VAC14: variants seen among roughly 807,000 people sequenced by gnomAD.
The protein encoded by VAC14 is VAC14 component of PIKFYVE complex.
Under a neutral mutation model 85.3 loss-of-function variants are expected in VAC14, and 47 were observed. That is an observed-to-expected ratio of 0.55 (90% confidence interval 0.44 to 0.70). The LOEUF (loss-of-function observed/expected upper bound fraction) is 0.70, where lower values mean the gene tolerates loss of function less well. Among genes scored for constraint, VAC14 ranks in the 30% least tolerant of loss-of-function variants. The probability of loss-of-function intolerance (pLI) is 0.00; values close to 1 mark genes in which losing one functional copy is unlikely to be tolerated. For missense variants in VAC14, 861 were observed against 1,004.3 expected (o/e 0.86, Z 1.93); for synonymous variants, 447 against 430.5 (o/e 1.04, Z -0.47).
chr16:70,731,488 G>GGCTGACCTGATGATGAAAGGGCC lies in VAC14; in HGVS notation c.1645_1661+6dup. 2 of 1,613,662 alleles carry GGCTGACCTGATGATGAAAGGGCC rather than the reference G, an allele frequency of 1.2e-6. No homozygotes were observed. Among genetic ancestry groups the GGCTGACCTGATGATGAAAGGGCC allele is most frequent in the Non-Finnish European group, 1.7e-6 (2 of 1,179,690 alleles). On this transcript the variant is annotated splice_region_variant and intron_variant, in intron 14 of 18. Transcript: ENST00000261776. The stretch of plus-strand genomic sequence containing the variant: ...GGAAGAGGAGAAAGCGCGCCGCCAA[G>GGCTGACCTGATGATGAAAGGGCC]GCTGACCTGATGATGAAAGGGCCTC...
chr16:70,757,913 G>A (rs1266588401), intron 12 of VAC14, among the ~76,000 whole-genome samples: 1 of 152,172 alleles, frequency 6.6e-6, no homozygotes, highest in Non-Finnish European at 1.5e-5. Flanking sequence ...AGAGAGGCTA[G>A]GTTACCAACC....
chr16:70,784,987 G>C (rs1004214326), intron 3 of VAC14, 149 bp from the exon 4 acceptor site: 5 of 726,340 alleles, frequency 6.9e-6, no homozygotes, highest in African/African-American at 1.8e-5. Flanking sequence ...ACACATTTGA[G>C]AAAGGCTGGG....
chr16:70,780,289 C>T (rs532800191), intron 9 of VAC14, among the ~76,000 whole-genome samples: 4 of 152,046 alleles, frequency 2.6e-5, no homozygotes, highest in Non-Finnish European at 5.9e-5. Flanking sequence ...CAGAATAAAT[C>T]GAAGCTAGAG....
intron 14 of VAC14, among the ~76,000 whole-genome samples, chr16:70,710,143 G>C (rs1387802691): frequency 1.3e-5 from 2 of 152,256 alleles, no homozygotes; most frequent in African/African-American, 4.8e-5. Context: ...CCAAGGACTG[G>C]TCCCAGGCCA....
intron 12 of VAC14, among the ~76,000 whole-genome samples, chr16:70,745,506 T>C: frequency 6.8e-6 from 1 of 147,526 alleles, no homozygotes; most frequent in African/African-American, 2.6e-5. Flanking sequence ...TGTGTGTGTG[T>C]GTGTGTGTGT....
At chr16:70,739,595 A>C (rs2030058670) in intron 13 of VAC14, among the ~76,000 whole-genome samples, 1 of 152,126 alleles carries the variant, frequency 6.6e-6, no homozygotes, top group Admixed American at 6.5e-5. Flanking sequence ...CTCCTGGCCC[A>C]AACAAGTGGG....
At chr16:70,786,586 G>A (rs1186433359) in intron 1 of VAC14, among the ~76,000 whole-genome samples, 1 of 152,210 alleles carries the variant, frequency 6.6e-6, no homozygotes, top group Non-Finnish European at 1.5e-5. Context: ...AGGAACAGTG[G>A]TGCTATCTCA....
intron 13 of VAC14, among the ~76,000 whole-genome samples, chr16:70,733,056 C>G (rs1202393843): frequency 6.6e-6 from 1 of 152,204 alleles, no homozygotes; most frequent in Non-Finnish European, 1.5e-5. Context: ...AGGACATTCA[C>G]AAAGTTGTGC....
At chr16:70,707,492 G>A (rs1005023956) in intron 14 of VAC14, among the ~76,000 whole-genome samples, 4 of 152,112 alleles carry the variant, frequency 2.6e-5, no homozygotes, top group African/African-American at 4.8e-5. Context: ...AGGTGCCATC[G>A]GGCTCTGGGA....
intron 1 of VAC14, 60 bp from the exon 2 acceptor site, chr16:70,786,425 G>T: frequency 6.3e-7 from 1 of 1,584,428 alleles, no homozygotes; most frequent in Non-Finnish European, 8.6e-7. Flanking sequence ...GGCCTCCAGG[G>T]CCTGGGGCGG....
intron 18 of VAC14, chr16:70,690,324 C>T (rs1018576785): frequency 1.0e-6 from 1 of 985,574 alleles, no homozygotes. Flanking sequence ...CCTGCCCCAC[C>T]TAATGCAGAT....
chr16:70,741,487 T>C (rs976909110), intron 13 of VAC14, among the ~76,000 whole-genome samples: 1 of 152,234 alleles, frequency 6.6e-6, no homozygotes, highest in Non-Finnish European at 1.5e-5. Context: ...TTGTAAAATC[T>C]GATGCCAGCT....
At chr16:70,725,695 G>GA (rs1255562534) in intron 14 of VAC14, among the ~76,000 whole-genome samples, 7 of 152,322 alleles carry the variant, frequency 4.6e-5, no homozygotes, top group Non-Finnish European at 8.8e-5. Context: ...GAATGAACCG[G>GA]AAGCCTTGCT....
chr16:70,761,016 T>TGTGTGTGTGCGTGC (rs1413571677), intron 12 of VAC14: 2 of 300,870 alleles, frequency 6.6e-6, no homozygotes, highest in African/African-American at 8.4e-5. Context: ...TGTGTGTGTG[T>TGTGTGTGTGCGTGC]GTGCATGGGG....
At chr16:70,786,459 T>C (rs909597051) in intron 1 of VAC14, 94 bp from the exon 2 acceptor site, 5 of 1,515,048 alleles carry the variant, frequency 3.3e-6, no homozygotes, top group Non-Finnish European at 4.5e-6. Context: ...AGATGACCTG[T>C]TTGGAAAGAG....
At chr16:70,761,467 T>C (rs1452006235) in intron 12 of VAC14, among the ~76,000 whole-genome samples, 1 of 152,158 alleles carries the variant, frequency 6.6e-6, no homozygotes, top group Non-Finnish European at 1.5e-5. Context: ...CTGGTATGGA[T>C]GGAGGGATGG....
At chr16:70,695,688 C>G (rs980776383) in intron 16 of VAC14, 65 bp from the exon 17 acceptor site, 8 of 1,497,532 alleles carry the variant, frequency 5.3e-6, no homozygotes, top group African/African-American at 2.7e-5. Flanking sequence ...CAGCACCACA[C>G]GCCCTCCCCC....
intron 13 of VAC14, among the ~76,000 whole-genome samples, chr16:70,741,585 G>T (rs1352502490): frequency 1.3e-5 from 2 of 152,254 alleles, no homozygotes; most frequent in Non-Finnish European, 2.9e-5. Flanking sequence ...CTGGCCCAGA[G>T]AGTTGTGGAT....
intron 12 of VAC14, among the ~76,000 whole-genome samples, chr16:70,753,639 C>G (rs1040247516): frequency 6.6e-6 from 1 of 152,184 alleles, no homozygotes; most frequent in Non-Finnish European, 1.5e-5. Flanking sequence ...ACCAAACCCA[C>G]TGGGAAGCAT....
Sources: allele counts gnomAD v4.1 joint callset (sites outside exome capture counted in the v4.1 genomes callset), GRCh38; gene constraint gnomAD v4.1.1; transcripts MANE v1.5; gene names NCBI Gene and HGNC (gene_info 2026-07-23, HGNC 2026-07-21).